The following RASGEF1B variants were observed in gnomAD, a reference collection of about 807,000 sequenced individuals.
RASGEF1B encodes ras-GEF domain-containing family member 1B.
RASGEF1B carries 30 observed loss-of-function variants against 65.7 expected under a neutral mutation model. The ratio of observed to expected loss-of-function variants is 0.46; its 90% CI spans 0.34 to 0.62. RASGEF1B has a LOEUF of 0.62. Among genes scored for constraint, RASGEF1B ranks in the 20% least tolerant of loss-of-function variants. The pLI, the probability that RASGEF1B is intolerant of heterozygous loss-of-function variation, is 0.01. For synonymous variants in RASGEF1B, 175 were observed against 194.8 expected (o/e 0.90, Z 0.85); for missense variants, 495 against 580.1 (o/e 0.85, Z 1.51).
intron 1 of RASGEF1B, among the ~76,000 whole-genome samples, chr4:81,465,721 G>A (rs991922086): frequency 1.3e-5 from 2 of 152,218 alleles, no homozygotes; most frequent in Non-Finnish European, 2.9e-5. Context: ...TGTTATTTAT[G>A]ATGAAGCAGG....
At chr4:81,455,168 G>T in intron 4 of RASGEF1B, 1 of 152,342 alleles carries the variant, frequency 6.6e-6, no homozygotes, top group South Asian at 2.1e-4. Flanking sequence ...TGGGTGCAGT[G>T]ACTCACACCT....
chr4:81,434,868 GTTTCT>G, intron 10 of RASGEF1B, 134 bp from the exon 11 acceptor site: 1 of 618,994 alleles, frequency 1.6e-6, no homozygotes, highest in Non-Finnish European at 2.9e-6. Context: ...ACAGTGTTTT[GTTTCT>G]TACACAACAG....
chr4:81,461,999 A>G (rs1002483517), intron 1 of RASGEF1B, among the ~76,000 whole-genome samples: 13 of 152,238 alleles, frequency 8.5e-5, no homozygotes, highest in Non-Finnish European at 1.6e-4. Context: ...CAGCACCAAA[A>G]GCTACCAAGT....
At chr4:81,451,831 A>C (rs750782300) in intron 4 of RASGEF1B, 8 of 152,216 alleles carry the variant, frequency 5.3e-5, no homozygotes, top group Non-Finnish European at 8.8e-5. Context: ...TCATTCCTAC[A>C]TCATGCACCT....
chr4:81,470,309 C>A (rs1035883779), intron 1 of RASGEF1B, among the ~76,000 whole-genome samples: 3 of 152,180 alleles, frequency 2.0e-5, no homozygotes, highest in Non-Finnish European at 2.9e-5. Flanking sequence ...CAGGTATATA[C>A]GCTGCTTAAC....
chr4:81,462,826 G>C (rs938400708), intron 1 of RASGEF1B, among the ~76,000 whole-genome samples: 8 of 152,084 alleles, frequency 5.3e-5, no homozygotes, highest in Non-Finnish European at 1.0e-4. Flanking sequence ...AATTTCATTG[G>C]CTCCATTTGT....
At chr4:81,448,939 C>G (rs964471906) in intron 4 of RASGEF1B, among the ~76,000 whole-genome samples, 1 of 152,064 alleles carries the variant, frequency 6.6e-6, no homozygotes, top group African/African-American at 2.4e-5. Context: ...CTCAGCCTCC[C>G]GAGTAGCTGG....
chr4:81,440,953 A>G, intron 9 of RASGEF1B, 24 bp from the exon 10 acceptor site: 1 of 1,416,544 alleles, frequency 7.1e-7, no homozygotes, highest in Non-Finnish European at 9.9e-7. Context: ...AGAGAAGAAT[A>G]TTAACTATTT....
chr4:81,445,464 C>T (rs1403372477), intron 8 of RASGEF1B, 62 bp downstream of exon 8: 2 of 1,160,462 alleles, frequency 1.7e-6, no homozygotes, highest in Admixed American at 1.8e-5. Flanking sequence ...TGCACATTTT[C>T]TGTGGGTCAT....
chr4:81,428,550 CTA>C (rs931761417), intron 13 of RASGEF1B, among the ~76,000 whole-genome samples: 8 of 152,018 alleles, frequency 5.3e-5, no homozygotes, highest in African/African-American at 1.9e-4. Context: ...TGAAATTAAT[CTA>C]GAGATGATTT....
intron 13 of RASGEF1B, 74 bp downstream of exon 13, chr4:81,432,225 G>A (rs1355631894): frequency 6.6e-6 from 6 of 911,752 alleles, no homozygotes; most frequent in Non-Finnish European, 1.1e-5. Flanking sequence ...GCTTCCTATA[G>A]AACGCATGTG....
At chr4:81,467,589 G>A (rs758043851) in intron 1 of RASGEF1B, among the ~76,000 whole-genome samples, 12 of 152,124 alleles carry the variant, frequency 7.9e-5, no homozygotes, top group South Asian at 2.1e-4. Context: ...ATGGCTCCTC[G>A]TTCCTTGTCT....
At chr4:81,436,782 C>G (rs1721646044) in intron 10 of RASGEF1B, among the ~76,000 whole-genome samples, 1 of 152,144 alleles carries the variant, frequency 6.6e-6, no homozygotes, top group African/African-American at 2.4e-5. Flanking sequence ...CAATTCCCTT[C>G]TAAGGAAAAA....
In RASGEF1B at chr4:81,440,817, C is replaced by CTTCT. The variant is rs753993909; in HGVS notation, c.1104+13_1104+16dup. Reference sequence around the variant, plus strand: ...CAGCAACTCTACCATAAGAAAGATACTTCTTTAAGTGCATACCTTTTCTCT... The same window carrying CTTCT: ...CAGCAACTCTACCATAAGAAAGATACTTCTTTCTTTAAGTGCATACCTTTTCTCT... On this transcript the variant is annotated intron_variant, in intron 10 of 13. Coordinates refer to ENST00000264400, the MANE Select transcript of RASGEF1B (RefSeq NM_152545.3). 4.6e-5 allele frequency: 70 copies of CTTCT among 1,521,564 alleles called. No homozygotes were observed. The highest frequency in any genetic ancestry group is 3.6e-4 in the Admixed American group (21 of 57,660). 94.3% of individuals were successfully genotyped at this position (1,521,564 alleles called of 1,614,324 possible).
At chr4:81,470,795 G>C (rs1017571646) in intron 1 of RASGEF1B, among the ~76,000 whole-genome samples, 2 of 151,992 alleles carry the variant, frequency 1.3e-5, no homozygotes, top group East Asian at 1.9e-4. Flanking sequence ...TGCCACCCTC[G>C]GCAGTGTCAG....
At chr4:81,430,447 C>T (rs1276359051) in intron 13 of RASGEF1B, among the ~76,000 whole-genome samples, 2 of 152,322 alleles carry the variant, frequency 1.3e-5, no homozygotes, top group East Asian at 3.9e-4. Flanking sequence ...AGCCGGTTAA[C>T]GCAAGCCACC....
At chr4:81,428,330 T>G (rs1162323330) in intron 13 of RASGEF1B, among the ~76,000 whole-genome samples, 1 of 152,122 alleles carries the variant, frequency 6.6e-6, no homozygotes, top group Non-Finnish European at 1.5e-5. Flanking sequence ...GTATAAAAGT[T>G]TTCAGGTAGG....
intron 1 of RASGEF1B, among the ~76,000 whole-genome samples, chr4:81,460,718 A>C (rs1722612829): frequency 6.6e-6 from 1 of 152,244 alleles, no homozygotes; most frequent in South Asian, 2.1e-4. Context: ...GAAAACATCC[A>C]TCATAAAAGC....
At chr4:81,447,302 T>C (rs1164856621) in intron 6 of RASGEF1B, among the ~76,000 whole-genome samples, 5 of 152,080 alleles carry the variant, frequency 3.3e-5, no homozygotes, top group African/African-American at 1.2e-4. Flanking sequence ...TACAAGTTAG[T>C]GATGGGGCAA....
Sources: allele counts gnomAD v4.1 joint callset (sites outside exome capture counted in the v4.1 genomes callset), GRCh38; gene constraint gnomAD v4.1.1; transcripts MANE v1.5; gene names NCBI Gene and HGNC (gene_info 2026-07-23, HGNC 2026-07-21).